ADAR: variants seen among roughly 807,000 people sequenced by gnomAD.
ADAR encodes adenosine deaminase RNA specific, also known as double-stranded RNA-specific adenosine deaminase.
ADAR carries 41 observed loss-of-function variants against 113.2 expected under a neutral mutation model. The observed-to-expected ratio is 0.36, with a 90% CI of 0.28 to 0.47. The LOEUF (loss-of-function observed/expected upper bound fraction) is 0.47. Ranked by LOEUF, ADAR falls within the 20% of genes least tolerant of loss-of-function variation. The pLI, the probability that ADAR is intolerant of heterozygous loss-of-function variation, is 1.00. For synonymous variants in ADAR, 605 were observed against 572.6 expected (o/e 1.06, Z -0.81); for missense variants, 1,242 against 1,540.9 (o/e 0.81, Z 3.25).
At chr1:154,597,333 T>C (rs985246030) in intron 4 of ADAR, 66 bp from the exon 5 acceptor site, 65 of 1,576,222 alleles carry the variant, frequency 4.1e-5, no homozygotes, top group South Asian at 1.9e-4. Flanking sequence ...ACCTAGCCTC[T>C]GCCAGGCTGC....
intron 2 of ADAR, chr1:154,600,187 TCTCA>T (rs1427395928): frequency 6.6e-6 from 1 of 152,460 alleles, no homozygotes; most frequent in African/African-American, 2.4e-5. Context: ...CAAGATGGAG[TCTCA>T]CTCTGTCGCC....
At chr1:154,605,244 C>T (rs1698117722) in intron 1 of ADAR, among the ~76,000 whole-genome samples, 1 of 152,152 alleles carries the variant, frequency 6.6e-6, no homozygotes, top group Non-Finnish European at 1.5e-5. Context: ...ACATGCCAAT[C>T]CAGGTGGCAC....
At chr1:154,608,253 G>A, upstream of ADAR, 1 of 511,072 alleles carries the variant, frequency 2.0e-6, no homozygotes, top group East Asian at 3.5e-5. Flanking sequence ...AGGGGCTTGA[G>A]CAAATCTTGC....
At chr1:154,589,712 C>T (rs944933560) in intron 8 of ADAR, 45 bp downstream of exon 8, 1 of 1,612,908 alleles carries the variant, frequency 6.2e-7, no homozygotes, top group Non-Finnish European at 8.5e-7. Flanking sequence ...GAGGCACCCG[C>T]TTTCAGGCGC....
Position 154,583,860 on chromosome 1 carries a change from A to C in ADAR, c.*946T>G, listed in dbSNP as rs567155542. 2 of 152,382 alleles carry C rather than the reference A, an allele frequency of 1.3e-5. No homozygotes were observed. The highest frequency in any genetic ancestry group is 3.9e-4 in the East Asian group (2 of 5,192). 9.4% of individuals were successfully genotyped at this position (152,382 alleles called of 1,614,324 possible). A position where few individuals can be genotyped will look rare whatever the true frequency, so the allele number is the denominator to read the frequency against. ...CTTGCTAAGTCATGATTATCTGAGCAGAGATGATTTTATACCCTCTAGGAT... is the reference window on the plus strand; with the variant it reads ...CTTGCTAAGTCATGATTATCTGAGCCGAGATGATTTTATACCCTCTAGGAT... On this transcript the variant is annotated 3_prime_UTR_variant, in exon 15 of 15. Coordinates refer to ENST00000368474, the MANE Select transcript of ADAR (RefSeq NM_001111.5).
At position 154,599,870 on chromosome 1, in the gene ADAR, G is replaced by T. The variant is rs374740181; in HGVS notation, c.1601+1171C>A. Among the ~76,000 whole-genome samples, 16 of 152,236 alleles carry T rather than the reference G, an allele frequency of 1.1e-4. 1 individual carries two copies. The highest frequency in any genetic ancestry group is 1.0e-3 in the Admixed American group (16 of 15,284). ...TAGCCTACCCATCTGTGCAGAGGAG[G>T]TTTATAAAATTAGAACCACCACCTT... On this transcript the variant is annotated intron_variant, in intron 2 of 14. Transcript: ENST00000368474.
intron 6 of ADAR, 137 bp downstream of exon 6, chr1:154,596,668 C>T (rs1472670684): frequency 1.2e-5 from 11 of 901,742 alleles, no homozygotes; most frequent in South Asian, 7.0e-5. Flanking sequence ...TCTAAGAGGC[C>T]GTGGAGACAG....
chr1:154,596,054 G>A (rs1363184574), intron 6 of ADAR, among the ~76,000 whole-genome samples: 2 of 152,184 alleles, frequency 1.3e-5, no homozygotes, highest in Admixed American at 6.5e-5. Flanking sequence ...GCCTGTACGT[G>A]TGTAGGAGCC....
At chr1:154,610,004 T>C (rs998510254), upstream of ADAR, among the ~76,000 whole-genome samples, 1 of 152,186 alleles carries the variant, frequency 6.6e-6, no homozygotes, top group African/African-American at 2.4e-5. Context: ...TCAGTAGGTA[T>C]AACAATGGGC....
At chr1:154,600,744 T>C in intron 2 of ADAR, 1 of 438,424 alleles carries the variant, frequency 2.3e-6, no homozygotes, top group Non-Finnish European at 4.2e-6. Context: ...AGTGCTGGGA[T>C]TACAGGCATG....
intron 1 of ADAR, among the ~76,000 whole-genome samples, chr1:154,622,772 A>G (rs993960119): frequency 3.3e-5 from 5 of 152,208 alleles, no homozygotes; most frequent in African/African-American, 1.2e-4. Context: ...ATGTTCATCA[A>G]CATAATGCCA....
At chr1:154,597,338 G>A in intron 4 of ADAR, 71 bp from the exon 5 acceptor site, 1 of 1,580,134 alleles carries the variant, frequency 6.3e-7, no homozygotes, top group Non-Finnish European at 8.7e-7. Flanking sequence ...GCCTCTGCCA[G>A]GCTGCCATCC....
intron 1 of ADAR, among the ~76,000 whole-genome samples, chr1:154,621,658 AT>A (rs1698794873): frequency 1.3e-5 from 2 of 152,196 alleles, no homozygotes; most frequent in Non-Finnish European, 2.9e-5. Flanking sequence ...ATGAGATGCT[AT>A]TTCAAATTTA....
chr1:154,600,439 G>GT (rs1697792140), intron 2 of ADAR: 2 of 145,866 alleles, frequency 1.4e-5, no homozygotes, highest in African/African-American at 5.4e-5. Flanking sequence ...GATTACAGTC[G>GT]TAAGCCACCG....
chr1:154,626,822 C>T (rs1698949898), intron 1 of ADAR, among the ~76,000 whole-genome samples: 3 of 152,182 alleles, frequency 2.0e-5, no homozygotes, highest in African/African-American at 7.2e-5. Flanking sequence ...ACTCTATTTC[C>T]CTTTTTCCCA....
intron 6 of ADAR, among the ~76,000 whole-genome samples, chr1:154,591,958 G>A (rs1157005789): frequency 6.6e-6 from 1 of 152,150 alleles, no homozygotes; most frequent in Non-Finnish European, 1.5e-5. Flanking sequence ...TTTACCTCAG[G>A]GATCCAGGAG....
At chr1:154,598,769 C>T (rs1571097410) in intron 2 of ADAR, among the ~76,000 whole-genome samples, 184 bp from the exon 3 acceptor site, 1 of 152,148 alleles carries the variant, frequency 6.6e-6, no homozygotes, top group African/African-American at 2.4e-5. Flanking sequence ...TTTTTGTAAA[C>T]AAAGCAGCCA....
chr1:154,586,745 G>A (rs1696790564), intron 11 of ADAR, among the ~76,000 whole-genome samples: 3 of 152,156 alleles, frequency 2.0e-5, no homozygotes, highest in Non-Finnish European at 2.9e-5. Flanking sequence ...AGACATGGAG[G>A]AGGACAGCTG....
rs765948486 is a variant in ADAR at position 154,602,531 on chromosome 1, A to G, written c.111T>C (p.Ser37=). Residue 37 remains serine (S), a synonymous_variant, in exon 2 of 15, where the codon AGT becomes AGC. Transcript: ENST00000368474. ...ATTCTATTTGCTTAAGCAGGAAACT[A>G]CTGGGGGAAGATCCTGGCCCAGGCT... ...YQQPGPGSSP[S]SFLLKQIEFL... The G allele has an allele frequency of 6.2e-7, 1 of 1,614,204 alleles. No homozygotes were observed. Among genetic ancestry groups the G allele is most frequent in the Non-Finnish European group, 8.5e-7 (1 of 1,180,024 alleles).
Sources: allele counts gnomAD v4.1 joint callset (sites outside exome capture counted in the v4.1 genomes callset), GRCh38; gene constraint gnomAD v4.1.1; transcripts MANE v1.5; gene names NCBI Gene and HGNC (gene_info 2026-07-23, HGNC 2026-07-21).